Variants in LRP5 observed in about 807,000 individuals in gnomAD.
LRP5 encodes the protein LDL receptor related protein 5, also known as low-density lipoprotein receptor-related protein 5.
Under a neutral mutation model 154.1 loss-of-function variants are expected in LRP5, and 62 were observed. That is an observed-to-expected ratio of 0.40 (90% CI 0.33 to 0.50). The LOEUF (loss-of-function observed/expected upper bound fraction) is 0.50, where lower values mean the gene tolerates loss of function less well. Ranked by LOEUF, LRP5 falls within the 20% of genes least tolerant of loss-of-function variation. LRP5 has a pLI of 0.55. For missense variants in LRP5, 1,915 were observed against 2,336.7 expected, an observed-to-expected ratio of 0.82 and a Z score of 3.72; for synonymous variants, 966 against 1,011.5, an observed-to-expected ratio of 0.96 and a Z score of 0.85.
chr11:68,303,011 C>T, the LRP5 span, among the ~76,000 whole-genome samples: 1 of 152,174 alleles, frequency 6.6e-6, no homozygotes, highest in Non-Finnish European at 1.5e-5. Flanking sequence ...CTCTGTTCCT[C>T]CTTGAGGAGC....
intron 2 of LRP5, among the ~76,000 whole-genome samples, chr11:68,350,124 C>G (rs970829794): frequency 7.2e-5 from 11 of 152,360 alleles, no homozygotes; most frequent in African/African-American, 2.6e-4. Context: ...GCAACCTCCA[C>G]CTCCCGAGTT....
chr11:68,335,906 A>G (rs1022889684), intron 1 of LRP5, among the ~76,000 whole-genome samples: 2 of 152,098 alleles, frequency 1.3e-5, no homozygotes, highest in African/African-American at 4.8e-5. Context: ...GTTTTTTCAC[A>G]CTCTGCAAGT....
intron 5 of LRP5, among the ~76,000 whole-genome samples, chr11:68,366,864 G>A (rs1020622782): frequency 6.6e-6 from 1 of 152,112 alleles, no homozygotes; most frequent in African/African-American, 2.4e-5. Context: ...TCATTCATTC[G>A]TTCATCCATC....
chr11:68,314,197 G>C (rs1276984975), intron 1 of LRP5, among the ~76,000 whole-genome samples: 10 of 152,128 alleles, frequency 6.6e-5, no homozygotes, highest in African/African-American at 2.4e-4. Context: ...TGTTTTAAAG[G>C]GGGGGTTTCT....
intron 3 of LRP5, among the ~76,000 whole-genome samples, chr11:68,362,583 C>G (rs2098628687): frequency 6.6e-6 from 1 of 151,702 alleles, no homozygotes. Flanking sequence ...CCCAGCTACT[C>G]TGGAGGCGGA....
At chr11:68,431,922 C>G (rs1182022239) in intron 17 of LRP5, among the ~76,000 whole-genome samples, 1 of 152,234 alleles carries the variant, frequency 6.6e-6, no homozygotes, top group African/African-American at 2.4e-5. Context: ...CCCTTCCTCA[C>G]GGCTCGAGAG....
At chr11:68,439,972 C>T in intron 21 of LRP5, 56 bp downstream of exon 21, 1 of 1,455,628 alleles carries the variant, frequency 6.9e-7, no homozygotes, top group South Asian at 1.4e-5. Context: ...GCCCCTCCCA[C>T]CGTCAGTGCT....
At chr11:68,425,356 G>A in intron 15 of LRP5, 64 bp downstream of exon 15, 1 of 1,512,360 alleles carries the variant, frequency 6.6e-7, no homozygotes, top group Non-Finnish European at 8.9e-7. Flanking sequence ...AATGGCAGCA[G>A]CTGCCACATT....
At chr11:68,339,084 G>C (rs2098607375) in intron 1 of LRP5, among the ~76,000 whole-genome samples, 1 of 151,842 alleles carries the variant, frequency 6.6e-6, no homozygotes, top group African/African-American at 2.4e-5. Context: ...GTGTTGCCCA[G>C]GCTGCTCTCA....
At chr11:68,414,835 G>A (rs1005212193) in intron 12 of LRP5, among the ~76,000 whole-genome samples, 3 of 152,226 alleles carry the variant, frequency 2.0e-5, no homozygotes, top group African/African-American at 7.2e-5. Context: ...GGGGCTGTTC[G>A]AGGCCCAGGC....
chr11:68,308,736 C>T (rs2098585540), upstream of LRP5, among the ~76,000 whole-genome samples: 1 of 151,920 alleles, frequency 6.6e-6, no homozygotes, highest in African/African-American at 2.4e-5. Context: ...CAGGCCACAG[C>T]ACAGCCCCTT....
rs1278864580 is a variant in LRP5, at chr11:68,439,855, A to T, written c.4427A>T (p.Asn1476Ile). Residue 1476 changes from asparagine to isoleucine, a missense_variant, in exon 21 of 23, where the codon AAC becomes ATC. Asn to Ile is a moderately radical substitution (Grantham distance 149, BLOSUM62 -3). Around this residue, in one of 3 missense-constraint regions of LRP5, gnomAD observed 1,094 missense variants for 1,210.1 expected, o/e 0.90. Transcript: ENST00000294304. ...GGCGGGGTGCCCCTCTACGACCGGA[A>T]CCACGTCACAGGGGCCTCGTCCAGC... ...GRGGVPLYDR[N>I]HVTGASSSSS... 1 of 1,599,558 alleles carries T rather than the reference A, an allele frequency of 6.3e-7. No homozygotes were observed. Among genetic ancestry groups the T allele is most frequent in the South Asian group, 1.1e-5 (1 of 89,440 alleles).
the LRP5 span, among the ~76,000 whole-genome samples, chr11:68,302,541 C>T: frequency 6.6e-6 from 1 of 152,182 alleles, no homozygotes; most frequent in South Asian, 2.1e-4. Flanking sequence ...GAAAATGCCC[C>T]CTCAGTTCTA....
chr11:68,368,952 C>A (rs1336354690), intron 5 of LRP5, among the ~76,000 whole-genome samples: 3 of 151,616 alleles, frequency 2.0e-5, no homozygotes, highest in Non-Finnish European at 4.4e-5. Flanking sequence ...ATTCTCCTGC[C>A]TCAGCCTCCC....
Position 68,413,058 on chromosome 11 carries a change from TGAC to T in LRP5, c.2504-630_2504-628del, listed in dbSNP as rs2098660502. ...TGAGGCCAGTAGCAAGGTTTGCACG[TGAC>T]TTCGTGACCGTCACCCAGCTCTGCA... On this transcript the variant is annotated intron_variant, in intron 11 of 22. Transcript: ENST00000294304. This position sits in a 1 kb window ranked among gnomAD's most constrained non-coding sequence, Gnocchi z 5.1. 5.4e-6 allele frequency: 1 copy of T among 185,702 alleles called. No homozygotes were observed. The highest frequency in any genetic ancestry group is 1.1e-5 in the Non-Finnish European group (1 of 87,660). 11.5% of individuals were successfully genotyped at this position (185,702 alleles called of 1,614,324 possible).
intron 1 of LRP5, among the ~76,000 whole-genome samples, chr11:68,320,359 C>A (rs1309230139): frequency 6.6e-6 from 1 of 152,088 alleles, no homozygotes; most frequent in African/African-American, 2.4e-5. Flanking sequence ...GCACAACCCT[C>A]ATTTCTGGTT....
At chr11:68,351,368 T>G (rs945815429) in intron 2 of LRP5, among the ~76,000 whole-genome samples, 3 of 152,070 alleles carry the variant, frequency 2.0e-5, no homozygotes, top group African/African-American at 7.2e-5. Context: ...CTCAGCCCTC[T>G]CCCCCTGCAC....
intron 5 of LRP5, among the ~76,000 whole-genome samples, chr11:68,368,564 G>A (rs960713596): frequency 2.0e-5 from 3 of 152,178 alleles, no homozygotes; most frequent in African/African-American, 7.2e-5. Flanking sequence ...ATTTTGCAGC[G>A]GTCCCCGCAA....
Position 68,413,442 on chromosome 11 carries a change from C to A in LRP5, c.2504-247C>A, listed in dbSNP as rs577684473. On this transcript the variant is annotated intron_variant, in intron 11 of 22. Coordinates refer to ENST00000294304, the MANE Select transcript of LRP5 (RefSeq NM_002335.4). The surrounding 1 kb of genome is among the most constrained non-coding windows in gnomAD (Gnocchi z 5.1). ...ATGAGAACAAGAACCTGGAGTCTCG[C>A]TGCCTGGGTGGTAATCCTGGCCCTG... Among the ~76,000 whole-genome samples, 1 of 152,232 alleles carries A rather than the reference C, an allele frequency of 6.6e-6. No homozygotes were observed. Among genetic ancestry groups the A allele is most frequent in the Non-Finnish European group, 1.5e-5 (1 of 68,046 alleles).
Sources: allele counts gnomAD v4.1 joint callset (sites outside exome capture counted in the v4.1 genomes callset), GRCh38; gene constraint gnomAD v4.1.1; regional missense constraint gnomAD v4.1.1; non-coding constraint Gnocchi (gnomAD v3.1); transcripts MANE v1.5; gene names NCBI Gene and HGNC (gene_info 2026-07-23, HGNC 2026-07-21).